Variants in TAFA2 observed in about 807,000 individuals in gnomAD.
The protein encoded by TAFA2 is TAFA chemokine like family member 2.
In TAFA2, 7 loss-of-function variants were observed where a neutral mutation model predicts 18.8. That is an observed-to-expected ratio of 0.37 (90% CI 0.21 to 0.70). The LOEUF (loss-of-function observed/expected upper bound fraction) is 0.70, where lower values mean the gene tolerates loss of function less well. Among genes scored for constraint, TAFA2 ranks in the 30% least tolerant of loss-of-function variants. The pLI, the probability that TAFA2 is intolerant of heterozygous loss-of-function variation, is 0.53. For missense variants in TAFA2, 122 were observed against 158.1 expected, an observed-to-expected ratio of 0.77 and a Z score of 1.23; for synonymous variants, 60 against 54.2, an observed-to-expected ratio of 1.11 and a Z score of -0.47.
chr12:61,754,672 A>T (rs1214332327), intron 3 of TAFA2, among the ~76,000 whole-genome samples, 200 bp downstream of exon 3: 2 of 151,924 alleles, frequency 1.3e-5, no homozygotes, highest in Non-Finnish European at 2.9e-5. Context: ...CTTTTGTAAC[A>T]GAACTGCATA....
At chr12:61,992,132 A>G (rs1880032457) in intron 1 of TAFA2, among the ~76,000 whole-genome samples, 1 of 152,258 alleles carries the variant, frequency 6.6e-6, no homozygotes, top group African/African-American at 2.4e-5. Flanking sequence ...ACTTCTCTCA[A>G]ATTTGTATTT....
At chr12:62,232,425 A>G (rs1381748423) in intron 1 of TAFA2, among the ~76,000 whole-genome samples, 5 of 152,214 alleles carry the variant, frequency 3.3e-5, no homozygotes, top group African/African-American at 9.6e-5. Context: ...CTTTACTATC[A>G]GAAGCAAGAG....
chr12:62,144,004 T>C lies in TAFA2; in HGVS notation c.-2+47255A>G, dbSNP rs866185413. 2.6e-4 allele frequency among the ~76,000 whole-genome samples: 35 copies of C among 135,898 alleles called. No homozygotes were observed. The Middle Eastern group carries it at 0.02, about 77-fold the overall frequency. 89.2% of individuals were successfully genotyped at this position (135,898 alleles called of 152,430 possible). On this transcript the variant is annotated intron_variant, in intron 1 of 4. Coordinates refer to ENST00000416284, the MANE Select transcript of TAFA2 (RefSeq NM_178539.5). ...TTGAGGCTGCAGTGAGCTGAGATCA[T>C]GCCACTGCACTCCAGCCTGGGTGAC...
intron 1 of TAFA2, among the ~76,000 whole-genome samples, chr12:62,074,511 T>C (rs1882711562): frequency 6.6e-6 from 1 of 152,138 alleles, no homozygotes. Flanking sequence ...AGGAAAACAT[T>C]CTACATTTTC....
At chr12:62,137,601 T>C (rs1489056691) in intron 1 of TAFA2, among the ~76,000 whole-genome samples, 1 of 152,062 alleles carries the variant, frequency 6.6e-6, no homozygotes, top group Non-Finnish European at 1.5e-5. Context: ...CTTAGGGCCT[T>C]TCTCATGGAG....
chr12:61,926,236 T>A (rs992436434), intron 1 of TAFA2, among the ~76,000 whole-genome samples: 1 of 152,202 alleles, frequency 6.6e-6, no homozygotes, highest in Non-Finnish European at 1.5e-5. Context: ...CAGGACCAGA[T>A]GGATTCACAG....
intron 1 of TAFA2, among the ~76,000 whole-genome samples, chr12:61,986,334 T>A (rs1879817567): frequency 1.3e-5 from 2 of 151,800 alleles, no homozygotes. Context: ...CAGCTAATTT[T>A]TGTATTTTTA....
At chr12:62,154,444 C>T (rs1396585443) in intron 1 of TAFA2, among the ~76,000 whole-genome samples, 5 of 152,062 alleles carry the variant, frequency 3.3e-5, no homozygotes, top group Non-Finnish European at 7.4e-5. Flanking sequence ...AAAATGTAGG[C>T]TCTTAAAGCT....
At chr12:61,988,258 A>G (rs1056760835) in intron 1 of TAFA2, among the ~76,000 whole-genome samples, 1 of 152,098 alleles carries the variant, frequency 6.6e-6, no homozygotes, top group Non-Finnish European at 1.5e-5. Flanking sequence ...TTCACTTCCC[A>G]ATAGAATTTA....
At chr12:62,224,563 C>G (rs1474960874) in intron 1 of TAFA2, among the ~76,000 whole-genome samples, 2 of 152,148 alleles carry the variant, frequency 1.3e-5, no homozygotes, top group Non-Finnish European at 2.9e-5. Context: ...CCAAATGCCT[C>G]ACCCCCTAAT....
chr12:62,088,906 A>ATC (rs755284044), intron 1 of TAFA2, among the ~76,000 whole-genome samples: 12 of 127,282 alleles, frequency 9.4e-5, no homozygotes, highest in African/African-American at 1.9e-4. Context: ...CTCTCTCTCT[A>ATC]TCTCTGTGTG....
At chr12:61,898,656 C>T in intron 1 of TAFA2, among the ~76,000 whole-genome samples, 1 of 151,820 alleles carries the variant, frequency 6.6e-6, no homozygotes, top group East Asian at 2.0e-4. Context: ...GCAGAGGGAC[C>T]CTGGGCCCTG....
At chr12:61,904,291 C>T (rs1392250307) in intron 1 of TAFA2, among the ~76,000 whole-genome samples, 2 of 152,090 alleles carry the variant, frequency 1.3e-5, no homozygotes, top group Non-Finnish European at 2.9e-5. Context: ...TCAAAAAACA[C>T]TACAGGTTTT....
At chr12:62,136,290 G>C (rs947378110) in intron 1 of TAFA2, among the ~76,000 whole-genome samples, 1 of 152,018 alleles carries the variant, frequency 6.6e-6, no homozygotes, top group Admixed American at 6.6e-5. Context: ...GTTGTGAATC[G>C]TTTCATGTCT....
At chr12:61,904,819 T>TA (rs1305565236) in intron 1 of TAFA2, among the ~76,000 whole-genome samples, 2 of 152,180 alleles carry the variant, frequency 1.3e-5, no homozygotes, top group Admixed American at 6.5e-5. Context: ...TGAATGATAC[T>TA]AAAAAACAGT....
intron 1 of TAFA2, among the ~76,000 whole-genome samples, chr12:62,208,792 A>G (rs2136971843): frequency 6.6e-6 from 1 of 152,102 alleles, no homozygotes; most frequent in Non-Finnish European, 1.5e-5. Flanking sequence ...ACTTTATCTC[A>G]CTTAATTTAT....
intron 1 of TAFA2, among the ~76,000 whole-genome samples, chr12:61,974,257 A>G (rs1389681810): frequency 6.6e-6 from 1 of 151,778 alleles, no homozygotes; most frequent in South Asian, 2.1e-4. Context: ...AAAAAGAAAG[A>G]ATATTACTGA....
chr12:62,237,245 C>T lies in TAFA2; in HGVS notation c.-130+21518G>A, dbSNP rs2639735. Reference sequence around the variant, plus strand: ...TCTGTTCGCCGGGCGCGGTGGCTCACGCCTGTAATCCCAGCACTTTGGGAG... The same window carrying T: ...TCTGTTCGCCGGGCGCGGTGGCTCATGCCTGTAATCCCAGCACTTTGGGAG... On this transcript the variant is annotated intron_variant, in intron 1 of 5. Transcript: ENST00000551619. 3.3e-5 allele frequency among the ~76,000 whole-genome samples: 5 copies of T among 152,176 alleles called. No individual in the cohort carries two copies. In the East Asian group the frequency reaches 7.7e-4, roughly 24 times the overall value.
chr12:62,111,570 T>A (rs536685162), intron 1 of TAFA2, among the ~76,000 whole-genome samples: 1 of 152,354 alleles, frequency 6.6e-6, no homozygotes, highest in Admixed American at 6.5e-5. Context: ...TTGATCTGTC[T>A]AATACTGACA....
Sources: gnomAD v4.1 joint callset for allele counts (sites outside exome capture counted in the v4.1 genomes callset) on GRCh38, gnomAD v4.1.1 for gene constraint, MANE v1.5 for transcripts, NCBI Gene and HGNC (gene_info 2026-07-23, HGNC 2026-07-21) for gene names.